Variants in PPFIA3 observed in about 807,000 individuals in gnomAD.
PPFIA3 encodes PPFI scaffold protein A3.
A neutral mutation model predicts 145.8 loss-of-function variants in PPFIA3; 26 were observed. That is an observed-to-expected ratio of 0.18 (90% CI 0.13 to 0.25). The LOEUF (loss-of-function observed/expected upper bound fraction) is 0.25. Among genes scored for constraint, PPFIA3 ranks in the 10% least tolerant of loss-of-function variants. The probability of loss-of-function intolerance (pLI) is 1.00; values close to 1 mark genes in which losing one functional copy is unlikely to be tolerated. For missense variants in PPFIA3, 1,008 were observed against 1,587.8 expected (o/e 0.63, Z 6.21); for synonymous variants, 645 against 661.4 (o/e 0.98, Z 0.38).
intron 18 of PPFIA3, 27 bp from the exon 19 acceptor site, chr19:49,141,393 C>G (rs970247323): frequency 6.3e-7 from 1 of 1,596,456 alleles, no homozygotes; most frequent in East Asian, 2.2e-5. Flanking sequence ...TGAGATTTTC[C>G]AAATTTCGAC....
At chr19:49,143,205 C>T (rs182212447) in intron 21 of PPFIA3, among the ~76,000 whole-genome samples, 1 of 152,294 alleles carries the variant, frequency 6.6e-6, no homozygotes, top group Non-Finnish European at 1.5e-5. Context: ...CCCAGGCCAC[C>T]TCCTTCCCTG....
chr19:49,122,734 T>G lies in PPFIA3; in HGVS notation c.-16+3012T>G, dbSNP rs80287634. Reference sequence around the variant, plus strand: ...TAGTTGTTTTTTTTTTTTTTTTTTTTGGCGGGGGATGGAGTCTCACTCTGT... The same window carrying G: ...TAGTTGTTTTTTTTTTTTTTTTTTTGGGCGGGGGATGGAGTCTCACTCTGT... On this transcript the variant is annotated intron_variant, in intron 1 of 29. Coordinates refer to ENST00000334186, the MANE Select transcript of PPFIA3 (RefSeq NM_003660.4). 1.9e-3 allele frequency among the ~76,000 whole-genome samples: 205 copies of G among 109,530 alleles called. 1 individual carries two copies. The highest frequency in any genetic ancestry group is 7.4e-3 in the African/African-American group (199 of 26,928). 71.9% of individuals were successfully genotyped at this position (109,530 alleles called of 152,430 possible). A position where few individuals can be genotyped will look rare whatever the true frequency, so the allele number is the denominator to read the frequency against.
rs2041331744 is a variant in PPFIA3, at chr19:49,150,260, C to T, written c.*38C>T. On this transcript the variant is annotated 3_prime_UTR_variant, in exon 30 of 30. Transcript: ENST00000334186. Reference sequence around the variant, plus strand: ...GGTGACCTCACTCGGACGGAAGAATCTTCCCGAGGCTGGGCTGTTCCCTCT... The same window carrying T: ...GGTGACCTCACTCGGACGGAAGAATTTTCCCGAGGCTGGGCTGTTCCCTCT... The T allele has an allele frequency of 8.6e-6, 9 of 1,041,410 alleles. No individual in the cohort carries two copies. The highest frequency in any genetic ancestry group is 1.3e-5 in the Non-Finnish European group (9 of 718,464). The allele number at this position is 1,041,410 out of a possible 1,614,324, so 64.5% of individuals were successfully genotyped here. A position where few individuals can be genotyped will look rare whatever the true frequency, so the allele number is the denominator to read the frequency against.
In PPFIA3 at chr19:49,128,147, C is replaced by T; in HGVS notation, c.240+34C>T. The T allele has an allele frequency of 2.8e-6, 1 of 358,078 alleles. No individual in the cohort carries two copies. The highest frequency in any genetic ancestry group is 4.5e-6 in the Non-Finnish European group (1 of 221,472). The allele number at this position is 358,078 out of a possible 1,614,324, so 22.2% of individuals were successfully genotyped here. On this transcript the variant is annotated intron_variant, in intron 2 of 29. Transcript: ENST00000334186. This position sits in a 1 kb window ranked among gnomAD's most constrained non-coding sequence, Gnocchi z 4.1. ...GGGACAGGGGCGGGGCATGAGGGGG[C>T]GGGGCCTCGGGGGGAAGAAGGCGGT...
chr19:49,148,834 T>TA, intron 25 of PPFIA3, 71 bp downstream of exon 25: 1 of 1,528,232 alleles, frequency 6.5e-7, no homozygotes, highest in Admixed American at 1.8e-5. Context: ...GGAGAGGGGG[T>TA]AGGGGGAGAC....
chr19:49,124,402 G>A (rs2040972621), intron 1 of PPFIA3, among the ~76,000 whole-genome samples: 1 of 152,104 alleles, frequency 6.6e-6, no homozygotes, highest in South Asian at 2.1e-4. Context: ...AGCAGGCTCT[G>A]AGTTCTAGAT....
intron 7 of PPFIA3, among the ~76,000 whole-genome samples, chr19:49,131,632 T>C (rs529994422): frequency 1.3e-5 from 2 of 151,864 alleles, no homozygotes; most frequent in South Asian, 4.2e-4. Context: ...AGGACTAGCC[T>C]GGGCAACATA....
At chr19:49,136,348 A>G (rs532577403) in intron 14 of PPFIA3, among the ~76,000 whole-genome samples, 2 of 152,260 alleles carry the variant, frequency 1.3e-5, no homozygotes, top group African/African-American at 4.8e-5. Context: ...TGTAATCCCA[A>G]CACTTGCTGG....
Position 49,148,819 on chromosome 19 carries a change from G to A in PPFIA3, c.3109+56G>A, listed in dbSNP as rs1050942829. On this transcript the variant is annotated intron_variant, in intron 25 of 29. Transcript: ENST00000334186. ...CCAGGTGGAGGGCGTGGAGCTGGATGGGGAGGAGAGGGGGTAGGGGGAGAC... is the reference window on the plus strand; with the variant it reads ...CCAGGTGGAGGGCGTGGAGCTGGATAGGGAGGAGAGGGGGTAGGGGGAGAC... 100 of 1,552,426 alleles carry A rather than the reference G, an allele frequency of 6.4e-5. No homozygotes were observed. In the African/African-American group the frequency reaches 1.2e-3, roughly 18 times the overall value.
chr19:49,141,360 C>G, intron 18 of PPFIA3, 60 bp from the exon 19 acceptor site: 3 of 1,321,134 alleles, frequency 2.3e-6, no homozygotes, highest in Non-Finnish European at 3.3e-6. Context: ...TCACCTCCAG[C>G]ATGAAAGATT....
chr19:49,138,461 G>A (rs2041169269), intron 16 of PPFIA3, 34 bp downstream of exon 16: 3 of 1,462,734 alleles, frequency 2.1e-6, no homozygotes, highest in Non-Finnish European at 1.8e-6. Flanking sequence ...GCCTAGTAGG[G>A]GGATGGGGAG....
chr19:49,121,218 G>A (rs1194765374), intron 1 of PPFIA3, among the ~76,000 whole-genome samples: 1 of 152,166 alleles, frequency 6.6e-6, no homozygotes, highest in Non-Finnish European at 1.5e-5. Context: ...CCAATGAGCC[G>A]AACACACATC....
chr19:49,130,854 C>A lies in PPFIA3; in HGVS notation c.879+255C>A, dbSNP rs538263883. On this transcript the variant is annotated intron_variant, in intron 7 of 29. Transcript: ENST00000334186. The surrounding 1 kb of genome is among the most constrained non-coding windows in gnomAD (Gnocchi z 4.5). ...AACTTTGGGTTCTTCTCTGGTGCCT[C>A]TAAATGGATTTTTTTTTTCTTTTGT... Among the ~76,000 whole-genome samples, 2 of 152,002 alleles carry A rather than the reference C, an allele frequency of 1.3e-5. No individual in the cohort carries two copies. The highest frequency in any genetic ancestry group is 3.9e-4 in the East Asian group (2 of 5,188).
intron 7 of PPFIA3, 141 bp from the exon 8 acceptor site, chr19:49,132,860 T>C: frequency 9.5e-7 from 1 of 1,058,076 alleles, no homozygotes; most frequent in Non-Finnish European, 1.4e-6. Flanking sequence ...TAAGATGGGC[T>C]AGTCCTGGGA....
chr19:49,149,929 T>G lies in PPFIA3; in HGVS notation c.3527-151T>G. ...CGGGAGTGAACTCGCCCAATGCGAGTTTGAGTCCTTGGCTGCGGGGAAGGG... is the reference window on the plus strand; with the variant it reads ...CGGGAGTGAACTCGCCCAATGCGAGGTTGAGTCCTTGGCTGCGGGGAAGGG... On this transcript the variant is annotated intron_variant, in intron 28 of 29. Transcript: ENST00000334186. This position sits in a 1 kb window ranked among gnomAD's most constrained non-coding sequence, Gnocchi z 5.7. 8.7e-7 allele frequency: 1 copy of G among 1,148,778 alleles called. No individual in the cohort carries two copies. Among genetic ancestry groups the G allele is most frequent in the Non-Finnish European group, 1.2e-6 (1 of 816,704 alleles). The allele number at this position is 1,148,778 out of a possible 1,614,324, so 71.2% of individuals were successfully genotyped here. A position where few individuals can be genotyped will look rare whatever the true frequency, so the allele number is the denominator to read the frequency against.
At chr19:49,138,469 G>A (rs2041169409) in intron 16 of PPFIA3, 42 bp downstream of exon 16, 6 of 1,449,602 alleles carry the variant, frequency 4.1e-6, no homozygotes, top group Non-Finnish European at 4.6e-6. Context: ...GGGGGATGGG[G>A]AGAGGTCAGA....
chr19:49,142,852 G>A lies in PPFIA3; in HGVS notation c.2593G>A (p.Val865Ile), dbSNP rs752563661. Residue 865 changes from valine to isoleucine, a missense_variant, in exon 21 of 30, where the codon GTC becomes ATC. This residue lies in a region of PPFIA3 where 154 missense variants were observed against 369.2 expected (regional missense o/e 0.42). Transcript: ENST00000334186. ...GTATGTGGCCGCCTGCCGGGCCAAT[G>A]TCAAGAGCGGTGCCATCATGGCCAA... ...AWYVAACRAN[V>I]KSGAIMANLS... is the part of the protein sequence containing the mutation. 1.9e-6 allele frequency: 3 copies of A among 1,613,930 alleles called. No individual in the cohort carries two copies. In the South Asian group the frequency reaches 3.3e-5, roughly 18 times the overall value.
intron 7 of PPFIA3, among the ~76,000 whole-genome samples, chr19:49,132,438 C>T (rs953630260): frequency 7.0e-6 from 1 of 142,414 alleles, no homozygotes; most frequent in Non-Finnish European, 1.5e-5. Context: ...AGAGAGAGAA[C>T]CTTCATCTGG....
intron 14 of PPFIA3, 118 bp downstream of exon 14, chr19:49,136,041 A>C: frequency 8.6e-7 from 1 of 1,169,560 alleles, no homozygotes; most frequent in Non-Finnish European, 1.1e-6. Flanking sequence ...GATCTCTTGG[A>C]CTCATCCACT....
Sources: allele counts gnomAD v4.1 joint callset (sites outside exome capture counted in the v4.1 genomes callset), GRCh38; gene constraint gnomAD v4.1.1; regional missense constraint gnomAD v4.1.1; non-coding constraint Gnocchi (gnomAD v3.1); transcripts MANE v1.5; gene names NCBI Gene and HGNC (gene_info 2026-07-23, HGNC 2026-07-21).